UBXN7: variants seen among roughly 807,000 people sequenced by gnomAD.
UBXN7 encodes UBX domain-containing protein 7.
In UBXN7, 9 loss-of-function variants were observed where a neutral mutation model predicts 58.0. The observed-to-expected ratio is 0.16, with a 90% CI of 0.09 to 0.27. UBXN7 has a LOEUF of 0.27. Among genes scored for constraint, UBXN7 ranks in the 10% least tolerant of loss-of-function variants. The pLI is 1.00. For missense variants in UBXN7, 328 were observed against 599.6 expected, an observed-to-expected ratio of 0.55 and a Z score of 4.73; for synonymous variants, 208 against 205.0, an observed-to-expected ratio of 1.01 and a Z score of -0.12.
At position 196,432,048 on chromosome 3, in the gene UBXN7, C is replaced by T. The variant is rs1218607614; in HGVS notation, c.73+279G>A. 3.7e-5 allele frequency: 21 copies of T among 569,086 alleles called. No homozygotes were observed. The African/African-American group carries it at 3.8e-4, about 10-fold the overall frequency. The allele number at this position is 569,086 out of a possible 1,614,324, so 35.3% of individuals were successfully genotyped here. A position where few individuals can be genotyped will look rare whatever the true frequency, so the allele number is the denominator to read the frequency against. On this transcript the variant is annotated intron_variant, in intron 1 of 10. Coordinates refer to ENST00000296328, the MANE Select transcript of UBXN7 (RefSeq NM_015562.2). ...GGGTCCCCGGGCCGGCGGGGGCGGA[C>T]GGACTCGGCCCATTCCCAGGTCTGG...
chr3:196,351,728 A>G lies in UBXN7; in HGVS notation c.*4957T>C, dbSNP rs1728219542. The stretch of plus-strand genomic sequence containing the variant: ...GAGAAGTGTGAAGGTAACAACTAGC[A>G]GAGCTGTTACCCAAAGGGCTCTCAC... On this transcript the variant is annotated 3_prime_UTR_variant, in exon 11 of 11. Coordinates refer to ENST00000296328, the MANE Select transcript of UBXN7 (RefSeq NM_015562.2). 1 of 152,226 alleles carries G rather than the reference A, an allele frequency of 6.6e-6. No homozygotes were observed. Among genetic ancestry groups the G allele is most frequent in the African/African-American group, 2.4e-5 (1 of 41,452 alleles). The allele number at this position is 152,226 out of a possible 1,614,324, so 9.4% of individuals were successfully genotyped here.
intron 1 of UBXN7, among the ~76,000 whole-genome samples, chr3:196,423,888 C>CT (rs1235337251): frequency 0.013 from 1,643 of 131,362 alleles, 30 homozygotes; most frequent in African/African-American, 0.028. Context: ...TAATTTTTCA[C>CT]TTTTTTTTTT....
At chr3:196,382,391 C>T (rs544008010) in intron 5 of UBXN7, among the ~76,000 whole-genome samples, 3 of 152,260 alleles carry the variant, frequency 2.0e-5, no homozygotes, top group South Asian at 4.1e-4. Flanking sequence ...CCAAACTAAG[C>T]TTCATAAGTG....
intron 6 of UBXN7, among the ~76,000 whole-genome samples, chr3:196,370,607 T>G (rs145691110): frequency 1.7e-3 from 262 of 152,018 alleles, no homozygotes; most frequent in African/African-American, 6.1e-3. Flanking sequence ...TACATTAAAT[T>G]TAGGGGCCTG....
At chr3:196,413,041 C>G (rs1730380327) in intron 1 of UBXN7, among the ~76,000 whole-genome samples, 1 of 152,048 alleles carries the variant, frequency 6.6e-6, no homozygotes, top group South Asian at 2.1e-4. Context: ...GAACTGTACC[C>G]TGAAAAATGG....
chr3:196,411,482 T>TA (rs1730322902), intron 1 of UBXN7, among the ~76,000 whole-genome samples: 1 of 151,484 alleles, frequency 6.6e-6, no homozygotes. Context: ...GGATTTAAGA[T>TA]AAATTTAAAG....
rs531942564 is a variant in UBXN7 at position 196,380,865 on chromosome 3, G to C, written c.469-8823C>G. On this transcript the variant is annotated intron_variant, in intron 5 of 10. Coordinates refer to ENST00000296328, the MANE Select transcript of UBXN7 (RefSeq NM_015562.2). ...GCTTGGCAGGTCCCACGCCCATGGA[G>C]CCTTGCTCACTGCCAGCGCAGCAGT... 5.5e-4 allele frequency among the ~76,000 whole-genome samples: 84 copies of C among 152,368 alleles called. No individual in the cohort carries two copies. The South Asian group carries it at 0.012, about 23-fold the overall frequency.
chr3:196,389,922 G>A (rs572067494), intron 5 of UBXN7, among the ~76,000 whole-genome samples: 14 of 152,106 alleles, frequency 9.2e-5, no homozygotes, highest in East Asian at 7.7e-4. Flanking sequence ...GATATACATC[G>A]GTTGTTTATT....
At chr3:196,380,396 T>C (rs1729166314) in intron 5 of UBXN7, among the ~76,000 whole-genome samples, 1 of 152,184 alleles carries the variant, frequency 6.6e-6, no homozygotes, top group Non-Finnish European at 1.5e-5. Context: ...ACCTAGGGGA[T>C]GGCAGAACAA....
intron 3 of UBXN7, 131 bp downstream of exon 3, chr3:196,402,821 G>T: frequency 9.8e-7 from 1 of 1,016,524 alleles, no homozygotes. Context: ...TTCTTGACAG[G>T]ACTATAGAAA....
chr3:196,401,030 C>T (rs1490123348), intron 3 of UBXN7, among the ~76,000 whole-genome samples: 1 of 151,650 alleles, frequency 6.6e-6, no homozygotes, highest in Non-Finnish European at 1.5e-5. Flanking sequence ...TCAGACTTTA[C>T]AGCTTTCCTC....
rs576838908 is a variant in UBXN7, at chr3:196,349,221, G to A, written c.*7464C>T. ...CAACAGCCTTTCCAGCTGAAGGGAC[G>A]AACCCAGGAAAGTAACAAGGCCCAA... On this transcript the variant is annotated 3_prime_UTR_variant, in exon 11 of 11. Transcript: ENST00000296328. 24 of 152,212 alleles carry A rather than the reference G, an allele frequency of 1.6e-4. No individual in the cohort carries two copies. The highest frequency in any genetic ancestry group is 5.5e-4 in the African/African-American group (23 of 41,528). 9.4% of individuals were successfully genotyped at this position (152,212 alleles called of 1,614,324 possible).
intron 1 of UBXN7, among the ~76,000 whole-genome samples, chr3:196,412,080 T>C (rs1730345580): frequency 6.6e-6 from 1 of 150,702 alleles, no homozygotes; most frequent in Non-Finnish European, 1.5e-5. Flanking sequence ...AAATACAAAA[T>C]CAGCCAGGCG....
At chr3:196,400,917 C>T (rs1729942521) in intron 3 of UBXN7, among the ~76,000 whole-genome samples, 1 of 151,892 alleles carries the variant, frequency 6.6e-6, no homozygotes, top group South Asian at 2.1e-4. Flanking sequence ...CAAATCTATT[C>T]CTAGCATTTA....
At chr3:196,363,300 G>A (rs1728563314) in intron 8 of UBXN7, among the ~76,000 whole-genome samples, 1 of 151,054 alleles carries the variant, frequency 6.6e-6, no homozygotes, top group Admixed American at 6.6e-5. Flanking sequence ...AAGAGACAGG[G>A]TCTAAGTTCC....
intron 4 of UBXN7, 53 bp from the exon 5 acceptor site, chr3:196,391,978 GAAAAAAA>G: frequency 5.2e-6 from 1 of 193,590 alleles, no homozygotes. Context: ...GAATCACACT[GAAAAAAA>G]AAAAAAAAAA....
intron 2 of UBXN7, among the ~76,000 whole-genome samples, chr3:196,405,276 C>A (rs1299618528): frequency 6.6e-6 from 1 of 151,816 alleles, no homozygotes; most frequent in Non-Finnish European, 1.5e-5. Flanking sequence ...TCGGGACCAT[C>A]CTGGTCAACG....
chr3:196,356,642 A>G lies in UBXN7; in HGVS notation c.*43T>C. 2 of 1,551,450 alleles carry G rather than the reference A, an allele frequency of 1.3e-6. No homozygotes were observed. The highest frequency in any genetic ancestry group is 8.6e-7 in the Non-Finnish European group (1 of 1,156,286). ...ACTTAGTGACATGTATCTCACAGGA[A>G]AAGGGAAAAAAGGGGTAAGCTGAGA... On this transcript the variant is annotated 3_prime_UTR_variant, in exon 11 of 11. Transcript: ENST00000296328.
chr3:196,387,541 T>C (rs2108843196), intron 5 of UBXN7, among the ~76,000 whole-genome samples: 1 of 152,346 alleles, frequency 6.6e-6, no homozygotes, highest in South Asian at 2.1e-4. Flanking sequence ...TCTACCCATC[T>C]GACAAAAGGC....
Sources: gnomAD v4.1 joint callset for allele counts (sites outside exome capture counted in the v4.1 genomes callset) on GRCh38, gnomAD v4.1.1 for gene constraint, MANE v1.5 for transcripts, NCBI Gene and HGNC (gene_info 2026-07-23, HGNC 2026-07-21) for gene names.